The following MOCS1 variants were observed in gnomAD, a reference collection of about 807,000 sequenced individuals.
MOCS1 encodes the protein molybdenum cofactor synthesis 1, also known as molybdenum cofactor biosynthesis protein 1.
Under a neutral mutation model 57.6 loss-of-function variants are expected in MOCS1, and 39 were observed. The observed-to-expected ratio is 0.68, with a 90% CI of 0.52 to 0.88. MOCS1 has a LOEUF of 0.88. Ranked by LOEUF, MOCS1 falls within the 40% of genes least tolerant of loss-of-function variation. MOCS1 has a pLI of 0.00. For missense variants in MOCS1, 795 were observed against 831.1 expected (o/e 0.96, Z 0.53); for synonymous variants, 334 against 335.7 (o/e 1.00, Z 0.05).
At position 39,906,537 on chromosome 6, in the gene MOCS1, G is replaced by A. The variant is rs756641432; in HGVS notation, c.1731C>T (p.Ile577=). The part of the protein sequence containing the change: ...ELDSTRHAVK[I]QASCRARGPT... Reference sequence around the variant, plus strand: ...GGCCCCGAGCCCGGCAAGATGCCTGGATCTTCACGGCATGGCGTGTGCTGT... The same window carrying A: ...GGCCCCGAGCCCGGCAAGATGCCTGAATCTTCACGGCATGGCGTGTGCTGT... Residue 577 remains isoleucine, a synonymous_variant, in exon 11 of 11, where the codon ATC becomes ATT. Transcript: ENST00000340692. 1 of 1,613,878 alleles carries A rather than the reference G, an allele frequency of 6.2e-7. No individual in the cohort carries two copies. The highest frequency in any genetic ancestry group is 8.5e-7 in the Non-Finnish European group (1 of 1,180,042).
At chr6:39,916,388 A>C (rs767254626) in intron 3 of MOCS1, among the ~76,000 whole-genome samples, 156 bp from the exon 4 acceptor site, 1 of 152,244 alleles carries the variant, frequency 6.6e-6, no homozygotes, top group Non-Finnish European at 1.5e-5. Flanking sequence ...AAAGAAAGCT[A>C]AGAATCAAAA....
At position 39,905,860 on chromosome 6, in the gene MOCS1, CTT is replaced by C; in HGVS notation, c.*495_*496del. On this transcript the variant is annotated 3_prime_UTR_variant, in exon 11 of 11. Transcript: ENST00000340692. ...CAGGGCAGGGCTGCGGCTTCACAGA[CTT>C]AGGGAGGCAGAGCTGCCGGGGAGAA... is the stretch of plus-strand genomic sequence containing the variant. The C allele has an allele frequency of 4.2e-6, 2 of 470,696 alleles. No individual in the cohort carries two copies. Among genetic ancestry groups the C allele is most frequent in the East Asian group, 6.9e-5 (1 of 14,396 alleles). The allele number at this position is 470,696 out of a possible 1,614,324, so 29.2% of individuals were successfully genotyped here.
rs1024766413 is a variant in MOCS1, at chr6:39,908,917, T to C, written c.1150+138A>G. Reference sequence around the variant, plus strand: ...TAAAACCTTGAAGGTTAAGAAGAGATGAAGGAGGAATAGAAGAAAAACAAG... The same window carrying C: ...TAAAACCTTGAAGGTTAAGAAGAGACGAAGGAGGAATAGAAGAAAAACAAG... On this transcript the variant is annotated intron_variant, in intron 10 of 10. Coordinates refer to ENST00000340692, the MANE Select transcript of MOCS1 (RefSeq NM_001358530.2). 11 of 769,400 alleles carry C rather than the reference T, an allele frequency of 1.4e-5. No homozygotes were observed. The Admixed American group carries it at 2.0e-4, about 14-fold the overall frequency. The allele number at this position is 769,400 out of a possible 1,614,324, so 47.7% of individuals were successfully genotyped here.
In MOCS1 at chr6:39,904,372, T is replaced by TCAA. The variant is rs1322539916; in HGVS notation, c.*1982_*1984dup. Reference sequence around the variant, plus strand: ...AGTGCCTTGGACCATGGACTCATACTCAACTGAGTAAGAAGGGGCTGGTGC... The same window carrying TCAA: ...AGTGCCTTGGACCATGGACTCATACTCAACAACTGAGTAAGAAGGGGCTGGTGC... On this transcript the variant is annotated 3_prime_UTR_variant, in exon 11 of 11. Coordinates refer to ENST00000340692, the MANE Select transcript of MOCS1 (RefSeq NM_001358530.2). The TCAA allele has an allele frequency of 2.2e-6, 1 of 456,522 alleles. No homozygotes were observed. The highest frequency in any genetic ancestry group is 4.4e-6 in the Non-Finnish European group (1 of 226,986). The allele number at this position is 456,522 out of a possible 1,614,324, so 28.3% of individuals were successfully genotyped here. A position where few individuals can be genotyped will look rare whatever the true frequency, so the allele number is the denominator to read the frequency against.
chr6:39,906,365 G>C lies in MOCS1; in HGVS notation c.1903C>G (p.Arg635Gly). 6.3e-7 allele frequency: 1 copy of C among 1,595,910 alleles called. No homozygotes were observed. The highest frequency in any genetic ancestry group is 8.6e-7 in the Non-Finnish European group (1 of 1,167,912). The change falls in exon 11 of 11, where the codon CGG becomes GGG. Residue 635 changes from arginine to glycine, a missense_variant. Around this residue, in one of 3 missense-constraint regions of MOCS1, gnomAD observed 374 missense variants for 422.6 expected, o/e 0.89. Transcript: ENST00000340692. ...GGTGAGAAGGGCAGGTGCTAAGCCC[G>C]ATGGAAGTCCCCCCGCTGACCACCA... ...KTGGQRGDFH[R>G]A
intron 3 of MOCS1, among the ~76,000 whole-genome samples, chr6:39,924,628 T>C (rs1768169691): frequency 6.6e-6 from 1 of 152,208 alleles, no homozygotes. Context: ...GTCAACACCA[T>C]GCAACTCTGC....
intron 3 of MOCS1, among the ~76,000 whole-genome samples, chr6:39,921,436 A>C (rs1198463715): frequency 6.6e-6 from 1 of 152,152 alleles, no homozygotes; most frequent in Non-Finnish European, 1.5e-5. Context: ...CATTGGTGGT[A>C]TAGTGGGTTT....
At position 39,927,459 on chromosome 6, in the gene MOCS1, C is replaced by T. The variant is rs781034678; in HGVS notation, c.124-4G>A. 15 of 1,610,144 alleles carry T rather than the reference C, an allele frequency of 9.3e-6. 1 individual carries two copies. Among genetic ancestry groups the T allele is most frequent in the South Asian group, 3.3e-5 (3 of 90,630 alleles). On this transcript the variant is annotated splice_polypyrimidine_tract_variant and splice_region_variant and intron_variant, in intron 1 of 10. Transcript: ENST00000340692. ...ACTGCCTCCGCCTGGACACCTCCTG[C>T]GAGGACAGACCAGGGAGGAAGCATG...
At chr6:39,917,848 GAGAAGC>G (rs1357722317) in intron 3 of MOCS1, among the ~76,000 whole-genome samples, 1 of 152,138 alleles carries the variant, frequency 6.6e-6, no homozygotes. Context: ...GAAAAAACTT[GAGAAGC>G]AGAATGAACA....
In MOCS1 at chr6:39,905,275, C is replaced by A. The variant is rs563794923; in HGVS notation, c.*1082G>T. On this transcript the variant is annotated 3_prime_UTR_variant, in exon 11 of 11. Transcript: ENST00000340692. The stretch of plus-strand genomic sequence containing the variant: ...TAATGCAAGCAATGAGCTTTGAACA[C>A]CCCTGGCCACCACCTGACAAAAGAT... The A allele has an allele frequency of 5.4e-4, 245 of 454,598 alleles. 2 individuals are homozygous for A. Among genetic ancestry groups the A allele is most frequent in the South Asian group, 3.6e-3 (235 of 64,498 alleles). 28.2% of individuals were successfully genotyped at this position (454,598 alleles called of 1,614,324 possible).
rs755888198 is a variant in MOCS1 at position 39,916,169 on chromosome 6, G to A, written c.482C>T (p.Ala161Val). Residue 161 changes from alanine to valine, a missense_variant, in exon 4 of 11, where the codon GCC becomes GTC. Physicochemically the swap from Ala to Val is moderately conservative, Grantham distance 64. This residue lies in a region of MOCS1 where 416 missense variants were observed against 392.4 expected (regional missense o/e 1.06). Transcript: ENST00000340692. The stretch of plus-strand genomic sequence containing the variant: ...CTTCTGAAGCTGGGGCAGTAGCCGG[G>A]CCAGGTTGATGCCATTGGTGGTAAC... ...IGVTTNGINL[A>V]RLLPQLQKAG... 1.9e-6 allele frequency: 3 copies of A among 1,614,072 alleles called. No homozygotes were observed. Among genetic ancestry groups the A allele is most frequent in the Non-Finnish European group, 1.7e-6 (2 of 1,180,038 alleles).
chr6:39,923,003 C>T (rs1768061098), intron 3 of MOCS1, among the ~76,000 whole-genome samples: 1 of 152,234 alleles, frequency 6.6e-6, no homozygotes, highest in Non-Finnish European at 1.5e-5. Context: ...AGATCAGAGG[C>T]TAGCCCCTGA....
At chr6:39,922,927 C>T (rs906431163) in intron 3 of MOCS1, among the ~76,000 whole-genome samples, 4 of 152,242 alleles carry the variant, frequency 2.6e-5, no homozygotes, top group African/African-American at 9.6e-5. Flanking sequence ...ATCCCTCCTT[C>T]CTCCACCAGC....
chr6:39,917,570 C>T (rs981357002), intron 3 of MOCS1, among the ~76,000 whole-genome samples: 3 of 152,062 alleles, frequency 2.0e-5, no homozygotes, highest in African/African-American at 7.2e-5. Flanking sequence ...ACAACATTGC[C>T]GGGCAGGCCA....
At chr6:39,929,076 T>G (rs989102481) in intron 1 of MOCS1, among the ~76,000 whole-genome samples, 2 of 152,146 alleles carry the variant, frequency 1.3e-5, no homozygotes, top group Admixed American at 6.5e-5. Flanking sequence ...GGCTCAAAGA[T>G]AAGAGACATG....
At chr6:39,921,126 G>A (rs947330774) in intron 3 of MOCS1, among the ~76,000 whole-genome samples, 13 of 152,130 alleles carry the variant, frequency 8.5e-5, no homozygotes, top group Non-Finnish European at 8.8e-5. Flanking sequence ...ATGGCTGGGC[G>A]CAGTGGCTCA....
intron 10 of MOCS1, 34 bp downstream of exon 10, chr6:39,909,021 A>T: frequency 6.2e-7 from 1 of 1,600,628 alleles, no homozygotes; most frequent in African/African-American, 1.3e-5. Flanking sequence ...CCAAATGACA[A>T]GGGTGAGTGG....
intron 3 of MOCS1, among the ~76,000 whole-genome samples, chr6:39,921,845 T>C (rs549015043): frequency 1.3e-5 from 2 of 152,270 alleles, no homozygotes; most frequent in African/African-American, 2.4e-5. Context: ...ACTTGTGTCA[T>C]GGGGGTTTGT....
chr6:39,931,936 G>C (rs1768664363), intron 1 of MOCS1, among the ~76,000 whole-genome samples: 1 of 152,138 alleles, frequency 6.6e-6, no homozygotes, highest in South Asian at 2.1e-4. Context: ...GGCCACCCCA[G>C]ATGCAGGCTG....
Sources: allele counts gnomAD v4.1 joint callset (sites outside exome capture counted in the v4.1 genomes callset), GRCh38; gene constraint gnomAD v4.1.1; regional missense constraint gnomAD v4.1.1; transcripts MANE v1.5; gene names NCBI Gene and HGNC (gene_info 2026-07-23, HGNC 2026-07-21).